Variants in ODR4 observed in about 807,000 individuals in gnomAD.
ODR4 encodes odr-4 GPCR localization factor homolog.
Under a neutral mutation model 60.2 loss-of-function variants are expected in ODR4, and 47 were observed. The ratio of observed to expected loss-of-function variants is 0.78; its 90% CI spans 0.62 to 1.00. The LOEUF (loss-of-function observed/expected upper bound fraction) is 1.00, where lower values mean the gene tolerates loss of function less well. Ranked by LOEUF, ODR4 falls within the 50% of genes least tolerant of loss-of-function variation. The probability of loss-of-function intolerance (pLI) is 0.00; values close to 1 mark genes in which losing one functional copy is unlikely to be tolerated. For synonymous variants in ODR4, 178 were observed against 175.5 expected, an observed-to-expected ratio of 1.01 and a Z score of -0.11; for missense variants, 488 against 530.8, an observed-to-expected ratio of 0.92 and a Z score of 0.79.
chr1:186,417,423 T>C (rs532921533), intron 12 of ODR4, 121 bp from the exon 13 acceptor site: 14 of 668,218 alleles, frequency 2.1e-5, no homozygotes, highest in Non-Finnish European at 3.5e-5. Flanking sequence ...GTATGTTATA[T>C]AAAAAACAAG....
At chr1:186,381,559 T>C (rs1020840749) in intron 2 of ODR4, among the ~76,000 whole-genome samples, 1 of 152,142 alleles carries the variant, frequency 6.6e-6, no homozygotes, top group African/African-American at 2.4e-5. Flanking sequence ...GATCTCCTGA[T>C]CTCGTGATCC....
chr1:186,393,528 A>G (rs1660547436), intron 8 of ODR4, among the ~76,000 whole-genome samples: 1 of 152,234 alleles, frequency 6.6e-6, no homozygotes, highest in South Asian at 2.1e-4. Flanking sequence ...CACTTTTTAA[A>G]GCAGGGATCA....
At chr1:186,409,492 A>G (rs1661293467) in intron 12 of ODR4, among the ~76,000 whole-genome samples, 1 of 152,240 alleles carries the variant, frequency 6.6e-6, no homozygotes, top group African/African-American at 2.4e-5. Context: ...CCTATGGATT[A>G]GAGTCCAAAG....
intron 12 of ODR4, among the ~76,000 whole-genome samples, chr1:186,408,870 G>T (rs1661269817): frequency 6.6e-6 from 1 of 151,604 alleles, no homozygotes; most frequent in South Asian, 2.1e-4. Context: ...TTTCATCTAG[G>T]TTTTTTAAAT....
chr1:186,385,190 A>G (rs1433263206), intron 3 of ODR4, among the ~76,000 whole-genome samples: 1 of 151,744 alleles, frequency 6.6e-6, no homozygotes, highest in Non-Finnish European at 1.5e-5. Flanking sequence ...AGGTAAAATT[A>G]GATATAGCAA....
At chr1:186,408,952 A>G (rs1204130779) in intron 12 of ODR4, among the ~76,000 whole-genome samples, 1 of 152,096 alleles carries the variant, frequency 6.6e-6, no homozygotes, top group Non-Finnish European at 1.5e-5. Flanking sequence ...AAACACAAGT[A>G]TATAGACTAG....
chr1:186,389,625 G>T lies in ODR4; in HGVS notation c.474+1G>T. The T allele has an allele frequency of 6.6e-7, 1 of 1,511,862 alleles. No individual in the cohort carries two copies. The highest frequency in any genetic ancestry group is 1.4e-5 in the African/African-American group (1 of 70,824). 93.7% of individuals were successfully genotyped at this position (1,511,862 alleles called of 1,614,324 possible). On this transcript the variant is annotated splice_donor_variant, in intron 6 of 13. Coordinates refer to ENST00000287859, the MANE Select transcript of ODR4 (RefSeq NM_017847.6). LOFTEE classifies it high-confidence loss of function. Reference sequence around the variant, plus strand: ...AACTTATGATATCCATGATCCAAAGGTAAGAAATTTACTCTTTAAAGATTT... The same window carrying T: ...AACTTATGATATCCATGATCCAAAGTTAAGAAATTTACTCTTTAAAGATTT...
chr1:186,392,028 GA>G (rs893427896), intron 8 of ODR4, among the ~76,000 whole-genome samples: 19 of 151,718 alleles, frequency 1.3e-4, no homozygotes, highest in African/African-American at 4.1e-4. Flanking sequence ...AGAATCGTAT[GA>G]AAAAAAACTC....
intron 12 of ODR4, among the ~76,000 whole-genome samples, chr1:186,414,439 G>A (rs60871724): frequency 6.6e-6 from 1 of 151,132 alleles, no homozygotes; most frequent in South Asian, 2.1e-4. Flanking sequence ...TAGCAAACAG[G>A]TATAATTCAT....
downstream of ODR4, among the ~76,000 whole-genome samples, chr1:186,423,206 C>G (rs186699888): frequency 6.6e-6 from 1 of 151,964 alleles, no homozygotes; most frequent in Non-Finnish European, 1.5e-5. Flanking sequence ...CAAGCTCTTT[C>G]AAAAATAGCT....
rs915146564 is a variant in ODR4 at position 186,390,582 on chromosome 1, G to C, written c.475-129G>C. 9.9e-6 allele frequency: 9 copies of C among 913,290 alleles called. No individual in the cohort carries two copies. In the African/African-American group the frequency reaches 1.5e-4, roughly 15 times the overall value. 56.6% of individuals were successfully genotyped at this position (913,290 alleles called of 1,614,324 possible). A position where few individuals can be genotyped will look rare whatever the true frequency, so the allele number is the denominator to read the frequency against. ...TTCAACCTATAGTCTTTTGATCAAGGGTTTAGCCATATATGTTAGATATGA... is the reference window on the plus strand; with the variant it reads ...TTCAACCTATAGTCTTTTGATCAAGCGTTTAGCCATATATGTTAGATATGA... On this transcript the variant is annotated intron_variant, in intron 6 of 13. Transcript: ENST00000287859.
chr1:186,382,249 T>TA (rs1189752791), intron 2 of ODR4, among the ~76,000 whole-genome samples: 24,337 of 79,942 alleles, frequency 0.3, 2,884 homozygotes, highest in East Asian at 0.45. Flanking sequence ...TACAAAAAAG[T>TA]AAAAAAAAAA....
In ODR4 at chr1:186,419,447, C is replaced by A; in HGVS notation, c.*371C>A. On this transcript the variant is annotated 3_prime_UTR_variant, in exon 14 of 14. Transcript: ENST00000287859. The stretch of plus-strand genomic sequence containing the variant: ...TTTAACAGAGGCATGATGGCTCACA[C>A]GTATAATCCTAATGCTTTGAGAGGC... The A allele has an allele frequency of 4.7e-6, 1 of 213,058 alleles. No individual in the cohort carries two copies. 13.2% of individuals were successfully genotyped at this position (213,058 alleles called of 1,614,324 possible). A position where few individuals can be genotyped will look rare whatever the true frequency, so the allele number is the denominator to read the frequency against.
At chr1:186,422,082 A>G (rs1182710571), downstream of ODR4, among the ~76,000 whole-genome samples, 1 of 152,050 alleles carries the variant, frequency 6.6e-6, no homozygotes, top group Non-Finnish European at 1.5e-5. Flanking sequence ...TTTTTTAAAA[A>G]CCCAACTAGG....
downstream of ODR4, among the ~76,000 whole-genome samples, chr1:186,422,141 T>TA (rs968924284): frequency 2.2e-4 from 33 of 150,742 alleles, no homozygotes; most frequent in Middle Eastern, 3.4e-3. Context: ...AGGTTGAAAG[T>TA]AAAAAAAAAA....
At chr1:186,408,831 A>G (rs1001714455) in intron 12 of ODR4, among the ~76,000 whole-genome samples, 3 of 152,052 alleles carry the variant, frequency 2.0e-5, no homozygotes, top group South Asian at 2.1e-4. Context: ...TTTAAAAGTC[A>G]GATATAAAAG....
intron 11 of ODR4, chr1:186,401,231 G>A: frequency 1.4e-6 from 2 of 1,428,784 alleles, no homozygotes; most frequent in Non-Finnish European, 9.7e-7. Context: ...AACAGCAGTT[G>A]TACTGTTTGT....
At chr1:186,405,841 C>G (rs192229307) in intron 11 of ODR4, among the ~76,000 whole-genome samples, 1 of 152,090 alleles carries the variant, frequency 6.6e-6, no homozygotes, top group Non-Finnish European at 1.5e-5. Flanking sequence ...CATGAGCCAC[C>G]GCGCCTGGAG....
chr1:186,432,389 TTTAATA>T, the ODR4 span, among the ~76,000 whole-genome samples: 1 of 152,192 alleles, frequency 6.6e-6, no homozygotes, highest in Non-Finnish European at 1.5e-5. Context: ...ATTATATGAG[TTTAATA>T]AAATGAGTTG....
Sources: allele counts gnomAD v4.1 joint callset (sites outside exome capture counted in the v4.1 genomes callset), GRCh38; gene constraint gnomAD v4.1.1; transcripts MANE v1.5; gene names NCBI Gene and HGNC (gene_info 2026-07-23, HGNC 2026-07-21).